Variants in YY1AP1 observed in about 807,000 individuals in gnomAD.
YY1AP1 encodes the protein YY1-associated protein 1.
YY1AP1 carries 43 observed loss-of-function variants against 39.9 expected under a neutral mutation model. The ratio of observed to expected loss-of-function variants is 1.08; its 90% confidence interval spans 0.84 to 1.39. The LOEUF (loss-of-function observed/expected upper bound fraction) is 1.39, where lower values mean the gene tolerates loss of function less well. Ranked by LOEUF, YY1AP1 falls within the 40% of genes most tolerant of loss-of-function variation. The pLI is 0.00. For missense variants in YY1AP1, 813 were observed against 900.7 expected (o/e 0.90, Z 1.25); for synonymous variants, 292 against 331.3 (o/e 0.88, Z 1.29).
rs1650745093 is a variant in YY1AP1, at chr1:155,676,686, A to G, written c.186T>C (p.Phe62=). 3 of 1,614,026 alleles carry G rather than the reference A, an allele frequency of 1.9e-6. No homozygotes were observed. In the African/African-American group the frequency reaches 4.0e-5, roughly 22 times the overall value. Residue 62 remains phenylalanine, a synonymous_variant, in exon 5 of 11, where the codon TTT becomes TTC. Coordinates refer to ENST00000355499, the MANE Select transcript of YY1AP1 (RefSeq NM_139119.3). The part of the protein sequence containing the change: ...NEQHQIAKEL[F]EQLKMKKPSA... Reference sequence around the variant, plus strand: ...AAGGTTTCTTCATCTTCAGCTGTTCAAATAGTTCCTTCGCTATCTGATGTT... The same window carrying G: ...AAGGTTTCTTCATCTTCAGCTGTTCGAATAGTTCCTTCGCTATCTGATGTT...
chr1:155,688,790 G>A (rs1653173380), upstream of YY1AP1: 20 of 1,543,800 alleles, frequency 1.3e-5, no homozygotes, highest in Non-Finnish European at 1.7e-5. Flanking sequence ...TCGCGCGTGC[G>A]CCTCCCACAG....
chr1:155,670,890 C>T (rs934386506), intron 7 of YY1AP1: 2 of 185,996 alleles, frequency 1.1e-5, no homozygotes, highest in African/African-American at 2.4e-5. Context: ...ACAGGATGGT[C>T]TTGATCTCCT....
At chr1:155,669,558 T>C (rs561794810) in intron 8 of YY1AP1, among the ~76,000 whole-genome samples, 36 of 152,202 alleles carry the variant, frequency 2.4e-4, no homozygotes, top group African/African-American at 8.4e-4. Flanking sequence ...TCAAAGAGAA[T>C]ACATGGGAAG....
At chr1:155,669,516 G>C (rs1187753523) in intron 8 of YY1AP1, among the ~76,000 whole-genome samples, 2 of 152,196 alleles carry the variant, frequency 1.3e-5, no homozygotes, top group Non-Finnish European at 2.9e-5. Context: ...GTCAGATCAT[G>C]ATGAGCTGTA....
At position 155,659,610 on chromosome 1, in the gene YY1AP1, G is replaced by A; in HGVS notation, c.*47C>T. On this transcript the variant is annotated 3_prime_UTR_variant, in exon 11 of 11. Transcript: ENST00000355499. ...GTTACACCCTATGCGCCACCAATCG[G>A]AGGCCGAAGTGAAGGCTCCCAGTCT... The A allele has an allele frequency of 6.2e-7, 1 of 1,607,178 alleles. No individual in the cohort carries two copies. Among genetic ancestry groups the A allele is most frequent in the East Asian group, 2.2e-5 (1 of 44,844 alleles).
chr1:155,663,242 G>GT (rs1648439037), intron 9 of YY1AP1, among the ~76,000 whole-genome samples: 1 of 151,414 alleles, frequency 6.6e-6, no homozygotes, highest in Non-Finnish European at 1.5e-5. Flanking sequence ...GTGGTGGCGC[G>GT]TGCCTGTAAT....
At chr1:155,680,252 A>G (rs1263736648) in intron 3 of YY1AP1, 164 bp downstream of exon 3, 14 of 676,166 alleles carry the variant, frequency 2.1e-5, no homozygotes, top group Non-Finnish European at 3.4e-5. Flanking sequence ...TCAAGAGTCT[A>G]GCAGTTAGCA....
Position 155,688,762 on chromosome 1 carries a change from AC to A in YY1AP1, c.-256del. On this transcript the variant is annotated 5_prime_UTR_variant, in exon 1 of 11. Transcript: ENST00000355499. Reference sequence around the variant, plus strand: ...CGCCGCCAAAGCAGCCGCCGCCAGCACCCCCACCCTACACTCCTCGCGCGTG... The same window carrying A: ...CGCCGCCAAAGCAGCCGCCGCCAGCACCCCACCCTACACTCCTCGCGCGTG... 1 of 1,521,058 alleles carries A rather than the reference AC, an allele frequency of 6.6e-7. No individual in the cohort carries two copies. The highest frequency in any genetic ancestry group is 2.2e-5 in the Admixed American group (1 of 46,040). The allele number at this position is 1,521,058 out of a possible 1,614,324, so 94.2% of individuals were successfully genotyped here. A position where few individuals can be genotyped will look rare whatever the true frequency, so the allele number is the denominator to read the frequency against.
rs1558322633 is a variant in YY1AP1, at chr1:155,688,190, C to T, written c.-140G>A. On this transcript the variant is annotated 5_prime_UTR_variant, in exon 2 of 11. Transcript: ENST00000355499. ...CTCCCGCTTGTCAGGAGGCGGCCAGCGGGTAAGCCGACTGGCGGAAATGCG... is the reference window on the plus strand; with the variant it reads ...CTCCCGCTTGTCAGGAGGCGGCCAGTGGGTAAGCCGACTGGCGGAAATGCG... 5 of 1,613,934 alleles carry T rather than the reference C, an allele frequency of 3.1e-6. No individual in the cohort carries two copies. In the East Asian group the frequency reaches 1.1e-4, roughly 36 times the overall value.
At chr1:155,688,909 C>T, upstream of YY1AP1, 1 of 1,613,030 alleles carries the variant, frequency 6.2e-7, no homozygotes, top group African/African-American at 1.3e-5. Flanking sequence ...GGGTGGCCGG[C>T]CGAGTCCCAT....
At position 155,660,242 on chromosome 1, in the gene YY1AP1, A is replaced by C; in HGVS notation, c.1668T>G (p.Thr556=). ...CAATCTTCACAGTGGTAGCAGGAAC[A>C]GTGAAGATAACAGATGCAGGGTGGA... ...PVIHPASVIF[T]VPATTVKIVS... is the part of the protein sequence containing the mutation. Residue 556 remains threonine (T), a synonymous_variant, in exon 11 of 11, where the codon ACT becomes ACG. Transcript: ENST00000355499. The C allele has an allele frequency of 6.2e-7, 1 of 1,614,260 alleles. No individual in the cohort carries two copies. Among genetic ancestry groups the C allele is most frequent in the Non-Finnish European group, 8.5e-7 (1 of 1,180,048 alleles).
intron 4 of YY1AP1, 89 bp from the exon 5 acceptor site, chr1:155,676,835 CA>C: frequency 7.7e-7 from 1 of 1,301,860 alleles, no homozygotes; most frequent in East Asian, 2.3e-5. Context: ...AGAGCCTGAA[CA>C]ATTTTCATTC....
chr1:155,678,355 C>T (rs1170041157), intron 4 of YY1AP1, among the ~76,000 whole-genome samples: 1 of 152,092 alleles, frequency 6.6e-6, no homozygotes, highest in Non-Finnish European at 1.5e-5. Context: ...CCATTGAATA[C>T]CAGAAGGTAA....
At chr1:155,667,498 TA>T (rs74589200) in intron 9 of YY1AP1, among the ~76,000 whole-genome samples, 491 of 128,350 alleles carry the variant, frequency 3.8e-3, no homozygotes, top group Middle Eastern at 9.0e-3. Context: ...AACCTGTCTC[TA>T]AAAAAAAAAA....
intron 8 of YY1AP1, 79 bp from the exon 9 acceptor site, chr1:155,668,856 C>T (rs1216901063): frequency 6.2e-7 from 1 of 1,601,740 alleles, no homozygotes; most frequent in East Asian, 2.2e-5. Context: ...ACACATTTTA[C>T]AATCTACTTT....
At chr1:155,675,913 G>A (rs1404525683) in intron 5 of YY1AP1, among the ~76,000 whole-genome samples, 3 of 152,194 alleles carry the variant, frequency 2.0e-5, no homozygotes, top group Non-Finnish European at 4.4e-5. Flanking sequence ...CCTCTAAACA[G>A]AGGAGGAACT....
At chr1:155,685,100 A>G (rs1172612579) in intron 2 of YY1AP1, among the ~76,000 whole-genome samples, 1 of 152,232 alleles carries the variant, frequency 6.6e-6, no homozygotes, top group Non-Finnish European at 1.5e-5. Flanking sequence ...CCTTCTTTTC[A>G]AACCAACAGT....
intron 5 of YY1AP1, 65 bp from the exon 6 acceptor site, chr1:155,675,161 TA>T: frequency 6.7e-7 from 1 of 1,497,212 alleles, no homozygotes; most frequent in Non-Finnish European, 9.2e-7. Context: ...AGCCCAGAGA[TA>T]TTTTTTTTTC....
At chr1:155,686,848 A>G (rs550897835) in intron 2 of YY1AP1, among the ~76,000 whole-genome samples, 9 of 152,146 alleles carry the variant, frequency 5.9e-5, no homozygotes, top group South Asian at 2.1e-4. Flanking sequence ...GGTCTCCCCC[A>G]AATACAAGCC....
Sources: gnomAD v4.1 joint callset for allele counts (sites outside exome capture counted in the v4.1 genomes callset) on GRCh38, gnomAD v4.1.1 for gene constraint, MANE v1.5 for transcripts, NCBI Gene and HGNC (gene_info 2026-07-23, HGNC 2026-07-21) for gene names.